The following STK10 variants were observed in gnomAD, a reference collection of about 807,000 sequenced individuals.
STK10 encodes the protein serine/threonine-protein kinase 10.
Under a neutral mutation model 113.8 loss-of-function variants are expected in STK10, and 78 were observed. The ratio of observed to expected loss-of-function variants is 0.69; its 90% CI spans 0.57 to 0.83. STK10 has a LOEUF of 0.83. STK10 is among the 40% of genes least tolerant of loss of function. The pLI, the probability that STK10 is intolerant of heterozygous loss-of-function variation, is 0.00. For synonymous variants in STK10, 465 were observed against 494.7 expected (o/e 0.94, Z 0.80); for missense variants, 1,109 against 1,280.1 (o/e 0.87, Z 2.04).
Position 172,083,181 on chromosome 5 carries a change from C to CA in STK10, c.1686-98dup, listed in dbSNP as rs1350047584. On this transcript the variant is annotated intron_variant, in intron 10 of 18. Transcript: ENST00000176763. Reference sequence around the variant, plus strand: ...GAACACTGAAGGTTGGATCATGGAGCAAAATCACACAAGTCTGGGGCACAG... The same window carrying CA: ...GAACACTGAAGGTTGGATCATGGAGCAAAAATCACACAAGTCTGGGGCACAG... The CA allele has an allele frequency of 6.6e-6, 10 of 1,523,608 alleles. No homozygotes were observed. The African/African-American group carries it at 1.2e-4, about 19-fold the overall frequency. The allele number at this position is 1,523,608 out of a possible 1,614,324, so 94.4% of individuals were successfully genotyped here. A position where few individuals can be genotyped will look rare whatever the true frequency, so the allele number is the denominator to read the frequency against.
intron 10 of STK10, among the ~76,000 whole-genome samples, chr5:172,087,154 G>GTGTGTGTGTGTGTGGT (rs1419850106): frequency 6.9e-6 from 1 of 144,688 alleles, no homozygotes. Context: ...GTGTGTGTGT[G>GTGTGTGTGTGTGTGGT]GTGTATGCAG....
At position 172,093,600 on chromosome 5, in the gene STK10, C is replaced by CCG; in HGVS notation, c.1365_1366insCG (p.Ala456ArgfsTer54). 1 of 1,614,230 alleles carries CCG rather than the reference C, an allele frequency of 6.2e-7. No homozygotes were observed. Among genetic ancestry groups the CCG allele is most frequent in the South Asian group, 1.1e-5 (1 of 91,084 alleles). ...TTCTCCCCACCCAAGGTCTCCAGGGCGCTGCTGTTGGGCCGGCTCTGGCTG... is the reference window on the plus strand; with the variant it reads ...TTCTCCCCACCCAAGGTCTCCAGGGCCGGCTGCTGTTGGGCCGGCTCTGGCTG... On this transcript the variant is annotated frameshift_variant, in exon 9 of 19. Coordinates refer to ENST00000176763, the MANE Select transcript of STK10 (RefSeq NM_005990.4). LOFTEE classifies it high-confidence loss of function. The surrounding 1 kb of genome is among the most constrained non-coding windows in gnomAD (Gnocchi z 4.1).
At chr5:172,052,841 T>C in intron 18 of STK10, 88 bp downstream of exon 18, 2 of 1,268,946 alleles carry the variant, frequency 1.6e-6, no homozygotes, top group Non-Finnish European at 2.3e-6. Flanking sequence ...TCCACCAAAA[T>C]AAGGAGACCT....
chr5:172,188,078 C>A lies in STK10; in HGVS notation c.-36G>T, dbSNP rs766046430. 2.5e-6 allele frequency: 4 copies of A among 1,597,246 alleles called. No individual in the cohort carries two copies. The South Asian group carries it at 3.3e-5, about 13-fold the overall frequency. Reference sequence around the variant, plus strand: ...GCGGTGGCGCCGGCTCGGGCTCGGGCTCGGGCTCGGGCTGTGGCTTCGGCG... The same window carrying A: ...GCGGTGGCGCCGGCTCGGGCTCGGGATCGGGCTCGGGCTGTGGCTTCGGCG... On this transcript the variant is annotated 5_prime_UTR_variant, in exon 1 of 19. Coordinates refer to ENST00000176763, the MANE Select transcript of STK10 (RefSeq NM_005990.4). The surrounding 1 kb of genome is among the most constrained non-coding windows in gnomAD (Gnocchi z 5.6).
chr5:172,063,542 A>G (rs1158311839), intron 13 of STK10: 1 of 152,236 alleles, frequency 6.6e-6, no homozygotes, highest in Non-Finnish European at 1.5e-5. Context: ...GGATGTGTAC[A>G]TCTTCAAAGC....
At chr5:172,076,179 G>A (rs150866669) in intron 12 of STK10, among the ~76,000 whole-genome samples, 16,762 of 111,830 alleles carry the variant, frequency 0.15, 203 homozygotes, top group African/African-American at 0.28. Context: ...TGTCCTGTGC[G>A]TTAGTTGTGG....
chr5:172,159,308 G>A (rs1374014747), intron 1 of STK10, among the ~76,000 whole-genome samples: 1 of 152,208 alleles, frequency 6.6e-6, no homozygotes, highest in Admixed American at 6.5e-5. Flanking sequence ...GGAATCCGAG[G>A]CGGGTGGCTT....
At chr5:172,053,531 G>T (rs894059376) in intron 17 of STK10, among the ~76,000 whole-genome samples, 52 of 152,206 alleles carry the variant, frequency 3.4e-4, no homozygotes, top group Admixed American at 2.7e-3. Context: ...CACTGACATG[G>T]GTGAGACTCT....
chr5:172,144,001 A>G lies in STK10; in HGVS notation c.321+12623T>C, dbSNP rs1770030306. Among the ~76,000 whole-genome samples the G allele has an allele frequency of 2.6e-5, 4 of 152,250 alleles. No individual in the cohort carries two copies. In the South Asian group the frequency reaches 8.3e-4, roughly 31 times the overall value. ...AAGCCAGTCCCTCCCTCTACTGCCA[A>G]CCAAGAGAGAAGAGATGATGGCTGC... On this transcript the variant is annotated intron_variant, in intron 2 of 18. Coordinates refer to ENST00000176763, the MANE Select transcript of STK10 (RefSeq NM_005990.4).
At chr5:172,157,414 A>T (rs141306189) in intron 1 of STK10, among the ~76,000 whole-genome samples, 1 of 152,030 alleles carries the variant, frequency 6.6e-6, no homozygotes, top group Non-Finnish European at 1.5e-5. Context: ...AAAATTAGCC[A>T]GTGTGGTGGC....
chr5:172,048,685 G>T (rs10035578), intron 18 of STK10, among the ~76,000 whole-genome samples: 116,486 of 152,034 alleles, frequency 0.77, 45,369 homozygotes, highest in Middle Eastern at 0.92. Context: ...ATGGTTTCCT[G>T]ACTGGTCTCT....
intron 1 of STK10, among the ~76,000 whole-genome samples, chr5:172,160,203 GTGGTTCATGCC>G (rs928422410): frequency 6.6e-6 from 1 of 151,990 alleles, no homozygotes; most frequent in Non-Finnish European, 1.5e-5. Flanking sequence ...GCCAGGTGCG[GTGGTTCATGCC>G]TGTAATCCCA....
At chr5:172,165,257 C>T (rs1770548206) in intron 1 of STK10, among the ~76,000 whole-genome samples, 1 of 152,022 alleles carries the variant, frequency 6.6e-6, no homozygotes, top group African/African-American at 2.4e-5. Context: ...AGTGAGAAAA[C>T]ATTAGCCACC....
chr5:172,047,899 GTTT>G (rs11438537), intron 18 of STK10, among the ~76,000 whole-genome samples: 703 of 109,770 alleles, frequency 6.4e-3, no homozygotes, highest in African/African-American at 0.026. Flanking sequence ...TGTTTTTTGG[GTTT>G]TTTTTTTTTT....
chr5:172,049,775 T>C (rs1408138331), intron 18 of STK10, among the ~76,000 whole-genome samples: 1 of 152,176 alleles, frequency 6.6e-6, no homozygotes, highest in Non-Finnish European at 1.5e-5. Context: ...ATGGGTATTC[T>C]TCACCACCGT....
intron 12 of STK10, among the ~76,000 whole-genome samples, chr5:172,068,265 G>A (rs866090838): frequency 6.6e-5 from 10 of 151,420 alleles, no homozygotes; most frequent in South Asian, 4.2e-4. Context: ...GCTTGAACCC[G>A]GGAGGCACAG....
rs1727709418 is a variant in STK10 at position 172,187,139 on chromosome 5, A to G, written c.156+748T>C. On this transcript the variant is annotated intron_variant, in intron 1 of 18. Transcript: ENST00000176763. This position sits in a 1 kb window ranked among gnomAD's most constrained non-coding sequence, Gnocchi z 4.6. ...GCAGAAACCAACGTCCTGCTGCCAC[A>G]CTTCTCTAGACTCAATCAGCTCTGC... Among the ~76,000 whole-genome samples, 1 of 152,042 alleles carries G rather than the reference A, an allele frequency of 6.6e-6. No individual in the cohort carries two copies. The highest frequency in any genetic ancestry group is 1.5e-5 in the Non-Finnish European group (1 of 68,008).
chr5:172,105,624 C>T, intron 7 of STK10, 32 bp downstream of exon 7: 2 of 1,612,086 alleles, frequency 1.2e-6, no homozygotes, highest in Non-Finnish European at 1.7e-6. Flanking sequence ...CTCCACCCTT[C>T]AGGGAGCAGA....
At chr5:172,125,859 A>T (rs4868143) in intron 3 of STK10, among the ~76,000 whole-genome samples, 129,523 of 152,018 alleles carry the variant, frequency 0.85, 55,332 homozygotes, top group South Asian at 0.91. Context: ...CAAGAATTTT[A>T]AAAAAAATTT....
Sources: allele counts gnomAD v4.1 joint callset (sites outside exome capture counted in the v4.1 genomes callset), GRCh38; gene constraint gnomAD v4.1.1; non-coding constraint Gnocchi (gnomAD v3.1); transcripts MANE v1.5; gene names NCBI Gene and HGNC (gene_info 2026-07-23, HGNC 2026-07-21).